Variants in CD276 observed in about 807,000 individuals in gnomAD.
CD276 encodes the protein CD276 antigen.
CD276 carries 34 observed loss-of-function variants against 50.0 expected under a neutral mutation model. The ratio of observed to expected loss-of-function variants is 0.68; its 90% confidence interval spans 0.52 to 0.91. The LOEUF is 0.91. Ranked by LOEUF, CD276 falls within the 40% of genes least tolerant of loss-of-function variation. The probability of loss-of-function intolerance (pLI) is 0.00; values close to 1 mark genes in which losing one functional copy is unlikely to be tolerated. For missense variants in CD276, 634 were observed against 717.5 expected, an observed-to-expected ratio of 0.88 and a Z score of 1.33; for synonymous variants, 275 against 313.0, an observed-to-expected ratio of 0.88 and a Z score of 1.28.
chr15:73,705,867 TATA>T (rs1316915552), intron 6 of CD276, among the ~76,000 whole-genome samples: 1 of 152,092 alleles, frequency 6.6e-6, no homozygotes, highest in African/African-American at 2.4e-5. Context: ...GACTTATGAG[TATA>T]AATGTGATTG....
intron 6 of CD276, among the ~76,000 whole-genome samples, chr15:73,707,446 G>A (rs1900691430): frequency 6.6e-6 from 1 of 152,178 alleles, no homozygotes; most frequent in South Asian, 2.1e-4. Context: ...TCTAAGAGGA[G>A]GGGCCTCAGT....
intron 1 of CD276, among the ~76,000 whole-genome samples, chr15:73,692,234 C>T (rs1900015243): frequency 6.6e-6 from 1 of 152,218 alleles, no homozygotes; most frequent in African/African-American, 2.4e-5. Flanking sequence ...CAGTGAATGG[C>T]TTGACCCTTT....
At chr15:73,705,049 T>G (rs1900594356) in intron 6 of CD276, among the ~76,000 whole-genome samples, 1 of 152,192 alleles carries the variant, frequency 6.6e-6, no homozygotes, top group African/African-American at 2.4e-5. Flanking sequence ...GTCTCTGGTT[T>G]CCAGGTTCTA....
At position 73,688,781 on chromosome 15, in the gene CD276, G is replaced by A. The variant is rs140176082; in HGVS notation, c.-55+4321G>A. Among the ~76,000 whole-genome samples, 1,126 of 152,302 alleles carry A rather than the reference G, an allele frequency of 7.4e-3. 35 individuals carry two copies. Among genetic ancestry groups the A allele is most frequent in the Admixed American group, 0.066 (1,017 of 15,300 alleles). ...TGGTGGAGATTGCTACACTCCGAGA[G>A]GGGTCTGGTGCTTAGATGGAGAGGG... On this transcript the variant is annotated intron_variant, in intron 1 of 9. Transcript: ENST00000318443.
At chr15:73,705,096 A>G (rs1900597476) in intron 6 of CD276, among the ~76,000 whole-genome samples, 1 of 152,074 alleles carries the variant, frequency 6.6e-6, no homozygotes, top group East Asian at 1.9e-4. Flanking sequence ...GGGTGTGAAG[A>G]GGGTTGAGGT....
Position 73,713,088 on chromosome 15 carries a change from G to A in CD276, c.*132G>A, listed in dbSNP as rs906689573. The A allele has an allele frequency of 2.7e-6, 2 of 733,996 alleles. No homozygotes were observed. The highest frequency in any genetic ancestry group is 4.5e-6 in the Non-Finnish European group (2 of 443,172). 45.5% of individuals were successfully genotyped at this position (733,996 alleles called of 1,614,324 possible). Reference sequence around the variant, plus strand: ...GGTGGGCTCCTTCTCCAAAGGATGCGATACACAGACCACTGTGCAGCCTTA... The same window carrying A: ...GGTGGGCTCCTTCTCCAAAGGATGCAATACACAGACCACTGTGCAGCCTTA... On this transcript the variant is annotated 3_prime_UTR_variant, in exon 10 of 10. Coordinates refer to ENST00000318443, the MANE Select transcript of CD276 (RefSeq NM_001024736.2).
At chr15:73,686,362 C>T (rs757085848) in intron 1 of CD276, 32 of 913,964 alleles carry the variant, frequency 3.5e-5, no homozygotes, top group Middle Eastern at 5.6e-4. Context: ...ATCTGAGGAC[C>T]CTGTTTTCCT....
chr15:73,702,842 C>A lies in CD276; in HGVS notation c.489C>A (p.Ile163=). ...KDLRPGDTVT[I]TCSSYQGYPE... is the part of the protein sequence containing the mutation. ...TGCGGCCAGGGGACACGGTGACCAT[C>A]ACGTGCTCCAGCTACCAGGGCTACC... Residue 163 remains isoleucine (I), a synonymous_variant, in exon 4 of 10, where the codon ATC becomes ATA. Coordinates refer to ENST00000318443, the MANE Select transcript of CD276 (RefSeq NM_001024736.2). The A allele has an allele frequency of 6.2e-7, 1 of 1,614,164 alleles. No homozygotes were observed. Among genetic ancestry groups the A allele is most frequent in the South Asian group, 1.1e-5 (1 of 91,086 alleles).
intron 1 of CD276, among the ~76,000 whole-genome samples, chr15:73,688,176 C>T (rs1432586381): frequency 1.3e-5 from 2 of 151,908 alleles, no homozygotes; most frequent in African/African-American, 4.8e-5. Context: ...GTCCCAGAGG[C>T]CCAGATGTGT....
chr15:73,705,343 CAA>C (rs1026364034), intron 6 of CD276, among the ~76,000 whole-genome samples: 6 of 152,294 alleles, frequency 3.9e-5, no homozygotes, highest in African/African-American at 4.8e-5. Flanking sequence ...GATCTCACCC[CAA>C]GTTTCCAGGT....
rs1364514662 is a variant in CD276 at position 73,703,017 on chromosome 15, G to A, written c.664G>A (p.Val222Met). The A allele has an allele frequency of 7.4e-6, 12 of 1,613,882 alleles. No homozygotes were observed. The highest frequency in any genetic ancestry group is 1.1e-5 in the South Asian group (1 of 91,072). ...LGANGTYSCLVRNPVLQQDAH... is the reference protein window; with the variant it reads ...LGANGTYSCLMRNPVLQQDAH... Reference sequence around the variant, plus strand: ...TGCAAATGGCACCTACAGCTGCCTGGTGCGCAACCCCGTGCTGCAGCAGGA... The same window carrying A: ...TGCAAATGGCACCTACAGCTGCCTGATGCGCAACCCCGTGCTGCAGCAGGA... Residue 222 changes from valine to methionine, a missense_variant, in exon 4 of 10, where the codon GTG (valine) becomes ATG (methionine). Transcript: ENST00000318443.
chr15:73,703,504 A>T (rs1458401405), intron 4 of CD276, among the ~76,000 whole-genome samples, 155 bp from the exon 5 acceptor site: 1 of 152,182 alleles, frequency 6.6e-6, no homozygotes, highest in Non-Finnish European at 1.5e-5. Context: ...CATATCTGAG[A>T]GTCCTCAGAC....
chr15:73,707,428 G>C (rs1008636380), intron 6 of CD276, among the ~76,000 whole-genome samples: 3 of 152,144 alleles, frequency 2.0e-5, no homozygotes, highest in African/African-American at 7.2e-5. Flanking sequence ...CCCTCTTGAC[G>C]TGACAGCTCT....
intron 8 of CD276, among the ~76,000 whole-genome samples, chr15:73,710,490 TG>T (rs1287898257): frequency 3.9e-5 from 6 of 152,230 alleles, no homozygotes; most frequent in African/African-American, 1.4e-4. Context: ...CAGGGGATCC[TG>T]GGCTGGGAGA....
chr15:73,702,574 C>A lies in CD276; in HGVS notation c.399C>A (p.Ala133=), dbSNP rs746555050. The part of the protein sequence containing the change: ...FVSIRDFGSA[A]VSLQVAAPYS... The stretch of plus-strand genomic sequence containing the variant: ...GCATCCGGGATTTCGGCAGCGCTGC[C>A]GTCAGCCTGCAGGTGGCCGGTGAGC... The change falls in exon 3 of 10, where the codon GCC becomes GCA. Residue 133 remains alanine (A), a synonymous_variant. Transcript: ENST00000318443. 14 of 1,608,406 alleles carry A rather than the reference C, an allele frequency of 8.7e-6. No homozygotes were observed. The highest frequency in any genetic ancestry group is 1.7e-5 in the Admixed American group (1 of 59,930).
intron 2 of CD276, 28 bp from the exon 3 acceptor site, chr15:73,702,227 A>G (rs777309686): frequency 6.5e-7 from 1 of 1,549,414 alleles, no homozygotes; most frequent in Non-Finnish European, 8.7e-7. Context: ...AGTCCCCCTT[A>G]TATGTTCTCC....
At chr15:73,694,239 C>G (rs1567014582) in intron 1 of CD276, among the ~76,000 whole-genome samples, 1 of 152,204 alleles carries the variant, frequency 6.6e-6, no homozygotes, top group Non-Finnish European at 1.5e-5. Flanking sequence ...CCTTCAGCCC[C>G]TCCCTCAATA....
At position 73,688,625 on chromosome 15, in the gene CD276, G is replaced by A. The variant is rs577986443; in HGVS notation, c.-55+4165G>A. On this transcript the variant is annotated intron_variant, in intron 1 of 9. Transcript: ENST00000318443. ...AGCTGGCTCTTAGTCACTTCTGCTG[G>A]TGGCTGATAATTGAGTGTGGGCCCT... Among the ~76,000 whole-genome samples, 7 of 152,336 alleles carry A rather than the reference G, an allele frequency of 4.6e-5. No homozygotes were observed. In the South Asian group the frequency reaches 1.4e-3, roughly 32 times the overall value.
chr15:73,685,453 TTG>T (rs55859831), intron 1 of CD276, among the ~76,000 whole-genome samples: 5,262 of 131,566 alleles, frequency 0.04, 118 homozygotes, highest in African/African-American at 0.067. Flanking sequence ...CAAAAAAGAT[TTG>T]TGTGTGTGTG....
Sources: gnomAD v4.1 joint callset for allele counts (sites outside exome capture counted in the v4.1 genomes callset) on GRCh38, gnomAD v4.1.1 for gene constraint, MANE v1.5 for transcripts, NCBI Gene and HGNC (gene_info 2026-07-23, HGNC 2026-07-21) for gene names.